Variants in SLC39A11 observed in about 807,000 individuals in gnomAD.
The protein encoded by SLC39A11 is zinc transporter ZIP11.
A neutral mutation model predicts 36.1 loss-of-function variants in SLC39A11; 33 were observed. That is an observed-to-expected ratio of 0.91 (90% CI 0.69 to 1.22). The LOEUF (loss-of-function observed/expected upper bound fraction) is 1.22. SLC39A11 is among the 50% of genes most tolerant of loss of function. SLC39A11 has a pLI of 0.00. For synonymous variants in SLC39A11, 166 were observed against 170.3 expected, an observed-to-expected ratio of 0.97 and a Z score of 0.20; for missense variants, 432 against 430.3, an observed-to-expected ratio of 1.00 and a Z score of -0.03.
At chr17:73,088,294 A>C (rs72843912) in intron 2 of SLC39A11, among the ~76,000 whole-genome samples, 1,640 of 77,014 alleles carry the variant, frequency 0.021, 33 homozygotes, top group African/African-American at 0.038. Context: ...ATTCTGTCTC[A>C]AAAAAAAAAA....
chr17:72,726,658 C>T (rs34154335), intron 7 of SLC39A11, among the ~76,000 whole-genome samples: 2 of 152,142 alleles, frequency 1.3e-5, no homozygotes, highest in South Asian at 2.1e-4. Flanking sequence ...GAAAATATGT[C>T]AAAATATGCC....
At position 72,897,052 on chromosome 17, in the gene SLC39A11, C is replaced by CAAAAA. The variant is rs10656675; in HGVS notation, c.431-47253_431-47249dup. On this transcript the variant is annotated intron_variant, in intron 5 of 9. Transcript: ENST00000255559. ...TGGGCGACAGAGTAAGACTCTGTCT[C>CAAAAA]AAAAAAAAAAAAAAAAAAACAAACA... Among the ~76,000 whole-genome samples, 130 of 64,100 alleles carry CAAAAA rather than the reference C, an allele frequency of 2.0e-3. 9 individuals are homozygous for CAAAAA. The highest frequency in any genetic ancestry group is 7.7e-3 in the African/African-American group (95 of 12,382). 42.1% of individuals were successfully genotyped at this position (64,100 alleles called of 152,430 possible).
intron 5 of SLC39A11, among the ~76,000 whole-genome samples, chr17:72,861,156 A>G (rs1403095728): frequency 1.3e-5 from 2 of 152,230 alleles, no homozygotes; most frequent in Non-Finnish European, 2.9e-5. Context: ...TTAGATTATG[A>G]TAAGATTTGG....
chr17:73,069,677 G>C (rs1223841568), intron 3 of SLC39A11, among the ~76,000 whole-genome samples: 1 of 152,126 alleles, frequency 6.6e-6, no homozygotes, highest in Non-Finnish European at 1.5e-5. Flanking sequence ...GTATGGATTT[G>C]GTCTTGACAT....
chr17:72,731,539 G>GT (rs56302595), intron 7 of SLC39A11, among the ~76,000 whole-genome samples: 19 of 150,634 alleles, frequency 1.3e-4, no homozygotes, highest in East Asian at 7.8e-4. Flanking sequence ...ACCTTATGCA[G>GT]TTTTTTTTTT....
At chr17:72,887,529 T>C (rs960725838) in intron 5 of SLC39A11, among the ~76,000 whole-genome samples, 3 of 152,190 alleles carry the variant, frequency 2.0e-5, no homozygotes, top group African/African-American at 7.2e-5. Flanking sequence ...CACTGCACAG[T>C]TCTTATTGCT....
At chr17:72,838,944 C>A (rs2078689616) in intron 6 of SLC39A11, 1 of 152,148 alleles carries the variant, frequency 6.6e-6, no homozygotes, top group Non-Finnish European at 1.5e-5. Flanking sequence ...CCCTGCCATC[C>A]CCACTGCACA....
At chr17:72,891,675 C>T (rs1459595022) in intron 5 of SLC39A11, among the ~76,000 whole-genome samples, 2 of 151,932 alleles carry the variant, frequency 1.3e-5, no homozygotes, top group Non-Finnish European at 2.9e-5. Flanking sequence ...GGTTTTAAAC[C>T]TACTTGGCAT....
intron 5 of SLC39A11, among the ~76,000 whole-genome samples, chr17:72,874,488 C>A (rs2080795121): frequency 6.6e-6 from 1 of 152,136 alleles, no homozygotes; most frequent in African/African-American, 2.4e-5. Context: ...GGATGCTGAG[C>A]AAAGCTGACA....
intron 5 of SLC39A11, among the ~76,000 whole-genome samples, chr17:72,861,165 G>C (rs959333404): frequency 7.9e-5 from 12 of 152,122 alleles, no homozygotes; most frequent in African/African-American, 2.9e-4. Flanking sequence ...GATAAGATTT[G>C]GTGCAGAATT....
intron 5 of SLC39A11, among the ~76,000 whole-genome samples, chr17:72,904,021 T>G (rs1469277623): frequency 6.6e-6 from 1 of 152,246 alleles, no homozygotes; most frequent in Non-Finnish European, 1.5e-5. Context: ...GGCACTGTGC[T>G]GTATACATGG....
Position 72,944,949 on chromosome 17 carries a change from G to T in SLC39A11, c.430+2803C>A, listed in dbSNP as rs761474718. ...AACTAGAAACGATGTTTGTGTCTGA[G>T]ATGGGGGGACTAGACCATAAGGGAT... On this transcript the variant is annotated intron_variant, in intron 5 of 9. Coordinates refer to ENST00000255559, the MANE Select transcript of SLC39A11 (RefSeq NM_139177.4). 9.2e-5 allele frequency among the ~76,000 whole-genome samples: 14 copies of T among 152,298 alleles called. No individual in the cohort carries two copies. In the South Asian group the frequency reaches 2.9e-3, roughly 32 times the overall value.
intron 5 of SLC39A11, among the ~76,000 whole-genome samples, chr17:72,935,687 A>G (rs1403193512): frequency 2.0e-5 from 3 of 152,104 alleles, no homozygotes; most frequent in Non-Finnish European, 4.4e-5. Flanking sequence ...GGTTCAAGCA[A>G]TTCTCCTGCC....
chr17:72,889,699 C>T (rs998867788), intron 5 of SLC39A11, among the ~76,000 whole-genome samples: 3 of 152,216 alleles, frequency 2.0e-5, no homozygotes, highest in Non-Finnish European at 4.4e-5. Context: ...ATTTTTACTT[C>T]CATCTAAATT....
At chr17:72,996,183 T>A (rs1408147430) in intron 4 of SLC39A11, among the ~76,000 whole-genome samples, 1 of 152,124 alleles carries the variant, frequency 6.6e-6, no homozygotes, top group African/African-American at 2.4e-5. Flanking sequence ...ATTCTTTGTA[T>A]AACATGTCAC....
At chr17:72,943,219 C>T (rs1302621817) in intron 5 of SLC39A11, among the ~76,000 whole-genome samples, 1 of 152,188 alleles carries the variant, frequency 6.6e-6, no homozygotes, top group Non-Finnish European at 1.5e-5. Context: ...ACTTGAGAAG[C>T]TTGAGCTAGA....
At chr17:72,667,865 T>G (rs538734766) in intron 7 of SLC39A11, among the ~76,000 whole-genome samples, 1 of 152,228 alleles carries the variant, frequency 6.6e-6, no homozygotes, top group Non-Finnish European at 1.5e-5. Flanking sequence ...ATGAAGAAAC[T>G]GAGGCTTACA....
At chr17:72,719,041 C>A (rs1024997139) in intron 7 of SLC39A11, among the ~76,000 whole-genome samples, 1 of 151,616 alleles carries the variant, frequency 6.6e-6, no homozygotes, top group Non-Finnish European at 1.5e-5. Context: ...GAGTTGAAGA[C>A]CAGCCTTGGC....
At chr17:72,821,810 G>C (rs1423093584) in intron 6 of SLC39A11, 2 of 151,452 alleles carry the variant, frequency 1.3e-5, no homozygotes, top group East Asian at 3.8e-4. Context: ...CATGAGGCAA[G>C]GATCACAGGT....
Sources: allele counts gnomAD v4.1 joint callset (sites outside exome capture counted in the v4.1 genomes callset), GRCh38; gene constraint gnomAD v4.1.1; transcripts MANE v1.5; gene names NCBI Gene and HGNC (gene_info 2026-07-23, HGNC 2026-07-21).